Variants in FAM107B observed in about 807,000 individuals in gnomAD.
The protein encoded by FAM107B is family with sequence similarity 107 member B, also known as protein FAM107B.
Under a neutral mutation model 31.5 loss-of-function variants are expected in FAM107B, and 21 were observed. The observed-to-expected ratio is 0.67, with a 90% CI of 0.47 to 0.96. The LOEUF (loss-of-function observed/expected upper bound fraction) is 0.96. FAM107B is among the 40% of genes least tolerant of loss of function. The probability of loss-of-function intolerance (pLI) is 0.00; values close to 1 mark genes in which losing one functional copy is unlikely to be tolerated. For synonymous variants in FAM107B, 157 were observed against 141.5 expected (o/e 1.11, Z -0.78); for missense variants, 452 against 377.1 (o/e 1.20, Z -1.64).
intron 2 of FAM107B, among the ~76,000 whole-genome samples, chr10:14,591,721 C>T (rs185202448): frequency 2.7e-4 from 41 of 152,348 alleles, no homozygotes; most frequent in African/African-American, 8.4e-4. Flanking sequence ...GACAGTCAGA[C>T]CTTTTCCTAA....
chr10:14,572,573 C>T (rs779624406), intron 2 of FAM107B, among the ~76,000 whole-genome samples: 6 of 151,420 alleles, frequency 4.0e-5, no homozygotes, highest in South Asian at 2.1e-4. Flanking sequence ...TTTAACATGG[C>T]GGAAGACAGG....
intron 2 of FAM107B, among the ~76,000 whole-genome samples, chr10:14,534,473 G>T (rs1847393655): frequency 6.6e-6 from 1 of 152,144 alleles, no homozygotes; most frequent in Non-Finnish European, 1.5e-5. Context: ...ACCAACGCTG[G>T]AAAATACAAC....
At chr10:14,764,643 T>C (rs1833126679) in intron 1 of FAM107B, among the ~76,000 whole-genome samples, 1 of 152,172 alleles carries the variant, frequency 6.6e-6, no homozygotes, top group Non-Finnish European at 1.5e-5. Flanking sequence ...AGTGGAAAAC[T>C]AAAAGCAGTT....
chr10:14,650,049 T>G (rs1392376013), intron 2 of FAM107B, among the ~76,000 whole-genome samples: 2 of 152,076 alleles, frequency 1.3e-5, no homozygotes, highest in African/African-American at 2.4e-5. Flanking sequence ...CCTGTCAATG[T>G]CCCAGATAGG....
intron 2 of FAM107B, among the ~76,000 whole-genome samples, chr10:14,569,472 C>T (rs1215917540): frequency 6.6e-6 from 1 of 152,054 alleles, no homozygotes; most frequent in Non-Finnish European, 1.5e-5. Context: ...TGATCTAAGT[C>T]CTCCGGAAGC....
intron 2 of FAM107B, among the ~76,000 whole-genome samples, chr10:14,658,213 T>C (rs532187190): frequency 1.3e-4 from 20 of 152,364 alleles, no homozygotes; most frequent in Non-Finnish European, 2.8e-4. Flanking sequence ...ATACAAGCTA[T>C]GATAGTTGAG....
intron 2 of FAM107B, among the ~76,000 whole-genome samples, chr10:14,632,751 A>G (rs1170825672): frequency 6.6e-6 from 1 of 152,148 alleles, no homozygotes; most frequent in Non-Finnish European, 1.5e-5. Flanking sequence ...AAGTAGGGAA[A>G]GGAAGGGAGA....
intron 2 of FAM107B, among the ~76,000 whole-genome samples, chr10:14,559,235 G>A (rs985329299): frequency 6.6e-6 from 1 of 152,212 alleles, no homozygotes; most frequent in African/African-American, 2.4e-5. Flanking sequence ...CAGAGGGCAG[G>A]ACGGGGAGAA....
At chr10:14,691,762 C>G (rs184548593) in intron 1 of FAM107B, among the ~76,000 whole-genome samples, 3 of 152,016 alleles carry the variant, frequency 2.0e-5, no homozygotes, top group Admixed American at 1.3e-4. Flanking sequence ...GGCATGGTGG[C>G]AGGTGGCTAT....
At chr10:14,670,452 A>G (rs1854512988) in intron 1 of FAM107B, among the ~76,000 whole-genome samples, 1 of 152,252 alleles carries the variant, frequency 6.6e-6, no homozygotes, top group Non-Finnish European at 1.5e-5. Context: ...AAATGCAGTA[A>G]GTCATTTCTT....
chr10:14,522,156 G>A, intron 3 of FAM107B, 137 bp from the exon 4 acceptor site: 1 of 1,097,364 alleles, frequency 9.1e-7, no homozygotes, highest in Non-Finnish European at 1.3e-6. Flanking sequence ...GCTACAGCAG[G>A]CAACATGGTG....
intron 2 of FAM107B, among the ~76,000 whole-genome samples, chr10:14,611,921 T>A (rs1420713778): frequency 6.6e-6 from 1 of 152,178 alleles, no homozygotes; most frequent in Non-Finnish European, 1.5e-5. Flanking sequence ...TATATCCTCA[T>A]ACATATAAAA....
rs1452122492 is a variant in FAM107B at position 14,519,882 on chromosome 10, C to T, written c.*1308G>A. The T allele has an allele frequency of 3.3e-5, 5 of 152,686 alleles. No individual in the cohort carries two copies. Among genetic ancestry groups the T allele is most frequent in the Non-Finnish European group, 7.3e-5 (5 of 68,030 alleles). The allele number at this position is 152,686 out of a possible 1,614,324, so 9.5% of individuals were successfully genotyped here. Reference sequence around the variant, plus strand: ...CCCAGGCAAAAGGTACCGATGCCCACACTAGCAGTTTAAAACTAATTTTGC... The same window carrying T: ...CCCAGGCAAAAGGTACCGATGCCCATACTAGCAGTTTAAAACTAATTTTGC... On this transcript the variant is annotated 3_prime_UTR_variant, in exon 5 of 5. Coordinates refer to ENST00000181796, the MANE Select transcript of FAM107B (RefSeq NM_031453.4).
chr10:14,687,926 T>C (rs1824327), intron 1 of FAM107B, among the ~76,000 whole-genome samples: 37,989 of 152,048 alleles, frequency 0.25, 5,314 homozygotes, highest in South Asian at 0.37. Flanking sequence ...ATCAACTTGA[T>C]TGGATTGAAG....
chr10:14,572,264 G>A (rs1194803278), intron 2 of FAM107B: 1 of 985,352 alleles, frequency 1.0e-6, no homozygotes, highest in Non-Finnish European at 1.2e-6. Context: ...CAGCACTGGT[G>A]AAATGTACTT....
intron 2 of FAM107B, among the ~76,000 whole-genome samples, chr10:14,602,044 T>A (rs556261082): frequency 1.3e-5 from 2 of 152,274 alleles, no homozygotes; most frequent in South Asian, 2.1e-4. Context: ...GGATCTCCAG[T>A]CCCCTGGGGT....
intron 2 of FAM107B, among the ~76,000 whole-genome samples, chr10:14,536,795 G>A (rs974084729): frequency 6.6e-6 from 1 of 152,096 alleles, no homozygotes; most frequent in African/African-American, 2.4e-5. Flanking sequence ...CTATGGCTAC[G>A]GGACAGTCCT....
intron 2 of FAM107B, among the ~76,000 whole-genome samples, chr10:14,636,898 G>A (rs118039135): frequency 0.034 from 5,225 of 152,184 alleles, 105 homozygotes; most frequent in Middle Eastern, 0.058. Context: ...TCCTTCCAAA[G>A]GATTGTGGGC....
At chr10:14,609,766 G>C (rs1852680883) in intron 2 of FAM107B, among the ~76,000 whole-genome samples, 1 of 152,184 alleles carries the variant, frequency 6.6e-6, no homozygotes, top group Non-Finnish European at 1.5e-5. Context: ...CAGAGGCCAG[G>C]AATTGTGGAG....
Sources: allele counts gnomAD v4.1 joint callset (sites outside exome capture counted in the v4.1 genomes callset), GRCh38; gene constraint gnomAD v4.1.1; transcripts MANE v1.5; gene names NCBI Gene and HGNC (gene_info 2026-07-23, HGNC 2026-07-21).